The following KLRG1 variants were observed in gnomAD, a reference collection of about 807,000 sequenced individuals.
KLRG1 encodes the protein killer cell lectin-like receptor subfamily G member 1.
In KLRG1, 16 loss-of-function variants were observed where a neutral mutation model predicts 21.8. The ratio of observed to expected loss-of-function variants is 0.73; its 90% CI spans 0.50 to 1.11. The LOEUF is 1.11. Among genes scored for constraint, KLRG1 ranks in the 50% most tolerant of loss-of-function variants. The pLI, the probability that KLRG1 is intolerant of heterozygous loss-of-function variation, is 0.00. For missense variants in KLRG1, 173 were observed against 218.3 expected, an observed-to-expected ratio of 0.79 and a Z score of 1.31; for synonymous variants, 69 against 75.9, an observed-to-expected ratio of 0.91 and a Z score of 0.47.
At chr12:9,121,115 G>A in the KLRG1 span, among the ~76,000 whole-genome samples, 72,449 of 151,678 alleles carry the variant, frequency 0.48, 18,226 homozygotes, top group African/African-American at 0.62. This position sits in a 1 kb window ranked among gnomAD's most constrained non-coding sequence, Gnocchi z 4.4. Context: ...CAAAGTCCTG[G>A]CCTCACGGGA....
the KLRG1 span, among the ~76,000 whole-genome samples, chr12:9,136,453 AT>A: frequency 6.6e-6 from 1 of 152,028 alleles, no homozygotes; most frequent in South Asian, 2.1e-4. Context: ...TGGATGAGAA[AT>A]TTTTCTTCTG....
the KLRG1 span, chr12:9,099,327 C>T: frequency 6.6e-7 from 1 of 1,504,022 alleles, no homozygotes; most frequent in Non-Finnish European, 9.1e-7. Context: ...CAAATGATAA[C>T]AATAGTAACT....
the KLRG1 span, among the ~76,000 whole-genome samples, chr12:9,145,843 T>C: frequency 2.0e-5 from 3 of 152,176 alleles, no homozygotes; most frequent in Non-Finnish European, 4.4e-5. Flanking sequence ...GTTTGTATTA[T>C]TTTACCACTG....
chr12:9,179,486 A>G, the KLRG1 span, among the ~76,000 whole-genome samples: 108 of 152,334 alleles, frequency 7.1e-4, no homozygotes, highest in African/African-American at 2.5e-3. Flanking sequence ...CAGATAATTA[A>G]AATTTTAGTC....
At chr12:9,037,706 T>C in the KLRG1 span, among the ~76,000 whole-genome samples, 2 of 152,154 alleles carry the variant, frequency 1.3e-5, no homozygotes, top group Admixed American at 6.5e-5. Flanking sequence ...ATTTTTAATG[T>C]TTTATACTGT....
chr12:9,098,612 A>G, the KLRG1 span: 7 of 1,599,230 alleles, frequency 4.4e-6, no homozygotes, highest in Admixed American at 1.2e-4. Flanking sequence ...CTCACCGAGG[A>G]CGCCGAGAGC....
chr12:9,024,937 A>G, the KLRG1 span, among the ~76,000 whole-genome samples: 2 of 152,216 alleles, frequency 1.3e-5, no homozygotes, highest in Admixed American at 6.5e-5. Context: ...GAGGGAAGAA[A>G]ACTGGTGGCA....
At chr12:9,148,481 A>T in the KLRG1 span, among the ~76,000 whole-genome samples, 1 of 152,100 alleles carries the variant, frequency 6.6e-6, no homozygotes, top group African/African-American at 2.4e-5. Flanking sequence ...TAATCCATAT[A>T]ATAATCTTAT....
the KLRG1 span, among the ~76,000 whole-genome samples, chr12:9,114,225 G>A: frequency 4.6e-5 from 7 of 152,100 alleles, no homozygotes; most frequent in Admixed American, 4.6e-4. Flanking sequence ...TTTAGACCTT[G>A]GTAACTCATG....
the KLRG1 span, chr12:9,027,775 C>G: frequency 1.5e-5 from 21 of 1,354,870 alleles, no homozygotes; most frequent in Non-Finnish European, 2.2e-5. Context: ...ATCCCCATTG[C>G]CACCATATCC....
intron 2 of KLRG1, among the ~76,000 whole-genome samples, chr12:8,993,392 G>A (rs760612497): frequency 9.2e-5 from 14 of 151,998 alleles, no homozygotes; most frequent in African/African-American, 1.5e-4. Flanking sequence ...AGGTTCAAGC[G>A]ATTCTCATGC....
At chr12:8,978,133 T>C (rs77564797) in intron 1 of KLRG1, among the ~76,000 whole-genome samples, 1 of 152,310 alleles carries the variant, frequency 6.6e-6, no homozygotes, top group African/African-American at 2.4e-5. Flanking sequence ...ACTATTACAG[T>C]GTCATATGAT....
downstream of KLRG1, among the ~76,000 whole-genome samples, chr12:9,014,974 A>C (rs1565557028): frequency 6.6e-6 from 1 of 152,168 alleles, no homozygotes; most frequent in East Asian, 1.9e-4. Flanking sequence ...ATTATTTGCA[A>C]GCCTTATGGT....
the KLRG1 span, among the ~76,000 whole-genome samples, chr12:9,053,632 A>G: frequency 6.6e-6 from 1 of 152,062 alleles, no homozygotes; most frequent in Non-Finnish European, 1.5e-5. Context: ...ATGAAAATAA[A>G]CCCAGCTTGC....
chr12:9,028,223 C>G, the KLRG1 span: 4 of 540,550 alleles, frequency 7.4e-6, no homozygotes, highest in Admixed American at 3.3e-5. Context: ...GTGATCTCGG[C>G]TCACTGCAAC....
intron 1 of KLRG1, among the ~76,000 whole-genome samples, chr12:8,977,080 A>G (rs1946668517): frequency 6.6e-6 from 1 of 151,854 alleles, no homozygotes; most frequent in Non-Finnish European, 1.5e-5. Context: ...TCATGTAAGT[A>G]TAGCCATTTC....
At chr12:9,068,756 A>G in the KLRG1 span, 1 of 1,605,416 alleles carries the variant, frequency 6.2e-7, no homozygotes, top group Non-Finnish European at 8.5e-7. Context: ...CGTAGTAATC[A>G]TAGACTTTCA....
chr12:9,149,667 T>C, the KLRG1 span: 1 of 1,530,370 alleles, frequency 6.5e-7, no homozygotes, highest in East Asian at 2.3e-5. Flanking sequence ...ATGCTAAATC[T>C]GTCTAGTCAC....
intron 1 of KLRG1, among the ~76,000 whole-genome samples, chr12:8,991,234 A>G (rs929995669): frequency 2.6e-5 from 4 of 152,188 alleles, no homozygotes; most frequent in African/African-American, 9.6e-5. Flanking sequence ...TTTGATTTTA[A>G]AATAAAGATT....
Sources: allele counts gnomAD v4.1 joint callset (sites outside exome capture counted in the v4.1 genomes callset), GRCh38; gene constraint gnomAD v4.1.1; non-coding constraint Gnocchi (gnomAD v3.1); transcripts MANE v1.5; gene names NCBI Gene and HGNC (gene_info 2026-07-23, HGNC 2026-07-21).